Variants in MYO5B observed in about 807,000 individuals in gnomAD.
MYO5B encodes unconventional myosin-Vb.
A neutral mutation model predicts 229.3 loss-of-function variants in MYO5B; 143 were observed. The observed-to-expected ratio is 0.62, with a 90% CI of 0.54 to 0.72. MYO5B has a LOEUF of 0.72. MYO5B is among the 30% of genes least tolerant of loss of function. The pLI, the probability that MYO5B is intolerant of heterozygous loss-of-function variation, is 0.00. For synonymous variants in MYO5B, 918 were observed against 885.2 expected, an observed-to-expected ratio of 1.04 and a Z score of -0.66; for missense variants, 2,321 against 2,331.0, an observed-to-expected ratio of 1.00 and a Z score of 0.09.
chr18:50,004,836 A>G (rs931318210), intron 4 of MYO5B, among the ~76,000 whole-genome samples: 3 of 152,258 alleles, frequency 2.0e-5, no homozygotes, highest in Admixed American at 2.0e-4. Context: ...TGCAGCGTGC[A>G]GCAGCTCTCC....
intron 1 of MYO5B, among the ~76,000 whole-genome samples, chr18:50,101,042 G>A (rs988894092): frequency 2.6e-4 from 39 of 152,212 alleles, no homozygotes; most frequent in Non-Finnish European, 5.3e-4. Flanking sequence ...AATAAGCTCC[G>A]TGGATCTAAC....
At chr18:49,877,548 T>C (rs1011983252) in intron 25 of MYO5B, among the ~76,000 whole-genome samples, 2 of 152,138 alleles carry the variant, frequency 1.3e-5, no homozygotes, top group Non-Finnish European at 1.5e-5. Context: ...GGGTGTAAGG[T>C]GAACAATAAT....
intron 1 of MYO5B, among the ~76,000 whole-genome samples, chr18:50,090,632 T>C (rs1401252889): frequency 2.0e-5 from 3 of 152,166 alleles, no homozygotes; most frequent in Non-Finnish European, 4.4e-5. Context: ...TTAGGCTTCT[T>C]GGGGATTTTC....
intron 17 of MYO5B, among the ~76,000 whole-genome samples, chr18:49,926,258 G>A (rs2025127558): frequency 6.6e-6 from 1 of 152,194 alleles, no homozygotes; most frequent in South Asian, 2.1e-4. Flanking sequence ...TCCATCTGCA[G>A]CTTCCTTCTC....
At chr18:49,935,133 A>T (rs932713795) in intron 16 of MYO5B, among the ~76,000 whole-genome samples, 5 of 152,190 alleles carry the variant, frequency 3.3e-5, no homozygotes, top group African/African-American at 1.2e-4. Flanking sequence ...GGAAGAGAAA[A>T]GGGAGACCAG....
At chr18:50,189,038 A>C (rs1202372157) in intron 1 of MYO5B, among the ~76,000 whole-genome samples, 1 of 152,208 alleles carries the variant, frequency 6.6e-6, no homozygotes, top group Non-Finnish European at 1.5e-5. Context: ...AGAAGAAAAA[A>C]ACCACATGCA....
At chr18:50,153,896 C>T (rs1442296123) in intron 1 of MYO5B, among the ~76,000 whole-genome samples, 2 of 152,108 alleles carry the variant, frequency 1.3e-5, no homozygotes, top group African/African-American at 2.4e-5. Flanking sequence ...TGTCCTTGCT[C>T]CCCACCCCTG....
chr18:50,040,484 C>G (rs1008019912), intron 2 of MYO5B, among the ~76,000 whole-genome samples, 170 bp from the exon 3 acceptor site: 8 of 152,138 alleles, frequency 5.3e-5, no homozygotes, highest in Non-Finnish European at 1.2e-4. Flanking sequence ...CCATGAGAGA[C>G]CAGTCCAGAT....
At chr18:50,139,485 C>G (rs2032385077) in intron 1 of MYO5B, among the ~76,000 whole-genome samples, 1 of 152,218 alleles carries the variant, frequency 6.6e-6, no homozygotes, top group Non-Finnish European at 1.5e-5. Context: ...GTTATGGACA[C>G]TTTTAAAGTC....
chr18:49,976,856 A>C (rs1244461427), intron 9 of MYO5B, among the ~76,000 whole-genome samples: 1 of 152,218 alleles, frequency 6.6e-6, no homozygotes, highest in East Asian at 1.9e-4. Context: ...TAGTAGAGTT[A>C]AGTGCCTGGG....
In MYO5B at chr18:49,936,199, C is replaced by T. The variant is rs996301570; in HGVS notation, c.2003+53G>A. ...AGGCAAGGCCTGGGCCACCCTGTTC[C>T]ACCTGAACCTCTAAGGCTGGGCTGG... On this transcript the variant is annotated intron_variant, in intron 16 of 39. Coordinates refer to ENST00000285039, the MANE Select transcript of MYO5B (RefSeq NM_001080467.3). 66 of 1,478,512 alleles carry T rather than the reference C, an allele frequency of 4.5e-5. No homozygotes were observed. In the African/African-American group the frequency reaches 8.2e-4, roughly 18 times the overall value. 91.6% of individuals were successfully genotyped at this position (1,478,512 alleles called of 1,614,324 possible).
chr18:49,972,745 A>G (rs960360484), intron 10 of MYO5B, among the ~76,000 whole-genome samples: 7 of 152,158 alleles, frequency 4.6e-5, no homozygotes, highest in Non-Finnish European at 8.8e-5. Flanking sequence ...CAGAGAGCAC[A>G]CTGTTCTATG....
chr18:50,013,554 G>A (rs1045316812), intron 4 of MYO5B, among the ~76,000 whole-genome samples: 3 of 152,216 alleles, frequency 2.0e-5, no homozygotes, highest in African/African-American at 7.2e-5. Context: ...TGGGCTCAGT[G>A]AGACAGTAAC....
intron 1 of MYO5B, among the ~76,000 whole-genome samples, chr18:50,140,083 G>A (rs1263001925): frequency 2.0e-5 from 3 of 152,166 alleles, no homozygotes; most frequent in African/African-American, 4.8e-5. Flanking sequence ...CCAATACAGA[G>A]TAGATGTATA....
intron 2 of MYO5B, among the ~76,000 whole-genome samples, chr18:50,049,551 C>T (rs138265060): frequency 1.3e-5 from 2 of 152,326 alleles, no homozygotes; most frequent in East Asian, 3.9e-4. Flanking sequence ...GACCACTTTC[C>T]TTATGGGCTT....
intron 1 of MYO5B, among the ~76,000 whole-genome samples, chr18:50,072,287 A>G (rs1384174201): frequency 6.6e-6 from 1 of 152,200 alleles, no homozygotes; most frequent in Non-Finnish European, 1.5e-5. Flanking sequence ...GAGGACACAG[A>G]CAATAGGCCA....
chr18:50,025,856 C>T (rs2026325261), intron 4 of MYO5B, among the ~76,000 whole-genome samples: 1 of 152,124 alleles, frequency 6.6e-6, no homozygotes, highest in South Asian at 2.1e-4. Context: ...TTAGACACTT[C>T]CCTAGACATT....
intron 1 of MYO5B, among the ~76,000 whole-genome samples, chr18:50,109,239 C>A (rs1041500947): frequency 2.0e-5 from 3 of 152,116 alleles, no homozygotes; most frequent in Admixed American, 6.5e-5. Flanking sequence ...AGACCACATA[C>A]CTTTCCAAGA....
At chr18:50,079,792 T>C (rs1350042524) in intron 1 of MYO5B, among the ~76,000 whole-genome samples, 1 of 151,988 alleles carries the variant, frequency 6.6e-6, no homozygotes, top group Non-Finnish European at 1.5e-5. Flanking sequence ...ATGTAACCCC[T>C]GGGCAACAGC....
Sources: gnomAD v4.1 joint callset for allele counts (sites outside exome capture counted in the v4.1 genomes callset) on GRCh38, gnomAD v4.1.1 for gene constraint, MANE v1.5 for transcripts, NCBI Gene and HGNC (gene_info 2026-07-23, HGNC 2026-07-21) for gene names.